Variants in AGBL4 observed in about 807,000 individuals in gnomAD.
AGBL4 encodes cytosolic carboxypeptidase 6.
A neutral mutation model predicts 66.4 loss-of-function variants in AGBL4; 58 were observed. The ratio of observed to expected loss-of-function variants is 0.87; its 90% confidence interval spans 0.71 to 1.09. AGBL4 has a LOEUF of 1.09. Ranked by LOEUF, AGBL4 falls within the 50% of genes least tolerant of loss-of-function variation. The pLI is 0.00. For missense variants in AGBL4, 579 were observed against 631.0 expected (o/e 0.92, Z 0.88); for synonymous variants, 234 against 222.9 (o/e 1.05, Z -0.44).
chr1:48,913,784 C>T (rs562515881), intron 5 of AGBL4, among the ~76,000 whole-genome samples: 6 of 152,172 alleles, frequency 3.9e-5, no homozygotes, highest in African/African-American at 9.7e-5. Flanking sequence ...AACCATCCCT[C>T]GCCCTGACCT....
chr1:49,098,178 G>A (rs562607992), intron 4 of AGBL4, among the ~76,000 whole-genome samples: 15 of 152,266 alleles, frequency 9.9e-5, no homozygotes, highest in South Asian at 2.1e-4. Context: ...AAAAGCTATA[G>A]GATTAACCAC....
At chr1:49,095,107 T>C (rs369549648) in intron 4 of AGBL4, among the ~76,000 whole-genome samples, 54 of 152,054 alleles carry the variant, frequency 3.6e-4, no homozygotes, top group South Asian at 6.2e-4. Context: ...GAATAAAATA[T>C]CTAGGAATCC....
intron 1 of AGBL4, among the ~76,000 whole-genome samples, chr1:49,855,906 G>T (rs796954775): frequency 6.6e-6 from 1 of 151,808 alleles, no homozygotes; most frequent in African/African-American, 2.4e-5. Context: ...GATCAAAGCA[G>T]AACTAAGCAA....
At chr1:49,964,291 G>A (rs936064001) in intron 1 of AGBL4, among the ~76,000 whole-genome samples, 3 of 151,992 alleles carry the variant, frequency 2.0e-5, no homozygotes, top group African/African-American at 7.2e-5. Context: ...ATAATCTTAG[G>A]CAAGTTACTT....
At chr1:49,286,225 G>A (rs1644405825) in intron 3 of AGBL4, among the ~76,000 whole-genome samples, 1 of 152,052 alleles carries the variant, frequency 6.6e-6, no homozygotes. Context: ...AATAATAAGA[G>A]CTATCTATGA....
chr1:49,898,636 A>G lies in AGBL4; in HGVS notation c.35-47118T>C, dbSNP rs1046653233. On this transcript the variant is annotated intron_variant, in intron 1 of 13. Transcript: ENST00000371839. ...TAGGCATATACGCAAAGGAAAAAAAATCAGTATATCAAAGGCATATCTGCA... is the reference window on the plus strand; with the variant it reads ...TAGGCATATACGCAAAGGAAAAAAAGTCAGTATATCAAAGGCATATCTGCA... 5.9e-5 allele frequency among the ~76,000 whole-genome samples: 9 copies of G among 152,256 alleles called. No homozygotes were observed. In the East Asian group the frequency reaches 1.7e-3, roughly 29 times the overall value.
chr1:49,731,812 TC>T (rs1168647142), intron 2 of AGBL4, among the ~76,000 whole-genome samples: 5 of 151,960 alleles, frequency 3.3e-5, no homozygotes, highest in African/African-American at 1.2e-4. Flanking sequence ...AGGCAAATTC[TC>T]CCCCAAAAAG....
At chr1:49,310,778 C>G (rs1644928877) in intron 3 of AGBL4, among the ~76,000 whole-genome samples, 2 of 151,870 alleles carry the variant, frequency 1.3e-5, no homozygotes. Context: ...TTACTGAACA[C>G]TTTCTATGTG....
chr1:49,607,645 C>G (rs1645083930), intron 3 of AGBL4, among the ~76,000 whole-genome samples: 1 of 152,074 alleles, frequency 6.6e-6, no homozygotes, highest in Non-Finnish European at 1.5e-5. Context: ...TTAATACACT[C>G]TAATTTTCAG....
At chr1:49,178,996 C>T (rs906069478) in intron 4 of AGBL4, among the ~76,000 whole-genome samples, 2 of 152,126 alleles carry the variant, frequency 1.3e-5, no homozygotes, top group African/African-American at 4.8e-5. Flanking sequence ...GTCAGAGCTA[C>T]AAAAATCCAT....
At chr1:49,924,974 C>G (rs1652616055) in intron 1 of AGBL4, among the ~76,000 whole-genome samples, 1 of 152,198 alleles carries the variant, frequency 6.6e-6, no homozygotes, top group Non-Finnish European at 1.5e-5. Flanking sequence ...GATGGTAACT[C>G]CTACTGCTGT....
chr1:48,862,306 A>G (rs1647548078), intron 6 of AGBL4, among the ~76,000 whole-genome samples: 1 of 151,982 alleles, frequency 6.6e-6, no homozygotes, highest in African/African-American at 2.4e-5. Context: ...TTCCCCTAAG[A>G]TAGTTTTGGG....
At chr1:49,443,449 G>A (rs1037147249) in intron 3 of AGBL4, among the ~76,000 whole-genome samples, 1 of 151,940 alleles carries the variant, frequency 6.6e-6, no homozygotes, top group Non-Finnish European at 1.5e-5. Context: ...TTTATATGGT[G>A]ACAAATAGGA....
At chr1:49,922,799 CAAAG>C (rs1256981885) in intron 1 of AGBL4, among the ~76,000 whole-genome samples, 1 of 152,034 alleles carries the variant, frequency 6.6e-6, no homozygotes, top group African/African-American at 2.4e-5. Context: ...AACCACTGCT[CAAAG>C]AAATTAGAGA....
chr1:49,747,204 T>A (rs898137846), intron 2 of AGBL4, among the ~76,000 whole-genome samples: 3 of 152,174 alleles, frequency 2.0e-5, no homozygotes, highest in Non-Finnish European at 4.4e-5. Context: ...TTTGCTTTAT[T>A]CCTTTTCCAC....
chr1:49,104,453 A>T (rs1444346739), intron 4 of AGBL4, among the ~76,000 whole-genome samples: 1 of 152,222 alleles, frequency 6.6e-6, no homozygotes, highest in Non-Finnish European at 1.5e-5. Flanking sequence ...ACGAGGATGT[A>T]GAAGATGCTT....
At position 49,518,081 on chromosome 1, in the gene AGBL4, A is replaced by G. The variant is rs140405530; in HGVS notation, c.282+179232T>C. On this transcript the variant is annotated intron_variant, in intron 3 of 13. Coordinates refer to ENST00000371839, the MANE Select transcript of AGBL4 (RefSeq NM_032785.4). ...ATAATGGGAATCCACTGCTGCTCTC[A>G]AGAGATTCACAGTTTGTAAGGGAAG... Among the ~76,000 whole-genome samples, 74 of 152,206 alleles carry G rather than the reference A, an allele frequency of 4.9e-4. 1 individual carries two copies. The highest frequency in any genetic ancestry group is 1.6e-3 in the African/African-American group (66 of 41,564).
intron 5 of AGBL4, among the ~76,000 whole-genome samples, chr1:49,044,432 T>C (rs887910670): frequency 5.3e-5 from 8 of 151,530 alleles, no homozygotes; most frequent in Non-Finnish European, 1.2e-4. Context: ...GAGGTTGCAG[T>C]GAGCTGTGAG....
At chr1:49,211,303 C>A (rs1648650036) in intron 4 of AGBL4, among the ~76,000 whole-genome samples, 1 of 152,042 alleles carries the variant, frequency 6.6e-6, no homozygotes, top group African/African-American at 2.4e-5. Context: ...CATCCACAAC[C>A]AACCCACAAT....
Sources: gnomAD v4.1 joint callset for allele counts (sites outside exome capture counted in the v4.1 genomes callset) on GRCh38, gnomAD v4.1.1 for gene constraint, MANE v1.5 for transcripts, NCBI Gene and HGNC (gene_info 2026-07-23, HGNC 2026-07-21) for gene names.